EXT2: variants seen among roughly 807,000 people sequenced by gnomAD.
The protein encoded by EXT2 is exostosin-2.
EXT2 carries 53 observed loss-of-function variants against 81.6 expected under a neutral mutation model. The ratio of observed to expected loss-of-function variants is 0.65; its 90% CI spans 0.52 to 0.82. EXT2 has a LOEUF of 0.82. Among genes scored for constraint, EXT2 ranks in the 40% least tolerant of loss-of-function variants. The pLI, the probability that EXT2 is intolerant of heterozygous loss-of-function variation, is 0.00. For missense variants in EXT2, 774 were observed against 910.2 expected, an observed-to-expected ratio of 0.85 and a Z score of 1.93; for synonymous variants, 320 against 340.0, an observed-to-expected ratio of 0.94 and a Z score of 0.65.
intron 4 of EXT2, among the ~76,000 whole-genome samples, chr11:44,117,962 C>T (rs1185901669): frequency 6.6e-6 from 1 of 152,126 alleles, no homozygotes; most frequent in African/African-American, 2.4e-5. Flanking sequence ...TGATACTGCC[C>T]AGGCTGTGTT....
At chr11:44,214,352 G>A (rs1955691000) in intron 10 of EXT2, among the ~76,000 whole-genome samples, 1 of 152,046 alleles carries the variant, frequency 6.6e-6, no homozygotes, top group Admixed American at 6.5e-5. Flanking sequence ...CTGACCTCGT[G>A]ATCCGCCCGC....
At chr11:44,214,123 T>C (rs1421062901) in intron 10 of EXT2, among the ~76,000 whole-genome samples, 1 of 151,742 alleles carries the variant, frequency 6.6e-6, no homozygotes, top group Non-Finnish European at 1.5e-5. Context: ...TTCTTCTTCT[T>C]CTTTTTTTTT....
chr11:44,248,973 T>TG lies in EXT2; in HGVS notation c.*4686_*4687insG, dbSNP rs1484922293. 6.7e-6 allele frequency among the ~76,000 whole-genome samples: 1 copy of TG among 149,418 alleles called. No homozygotes were observed. The highest frequency in any genetic ancestry group is 2.6e-5 in the African/African-American group (1 of 39,140). ...ACCATTTCAGGGTAGAGTTTTTTTG[T>TG]TTGTTTGTTTGTTTGTTTTTGTTTT... On this transcript the variant is annotated 3_prime_UTR_variant, in exon 14 of 14. Transcript: ENST00000533608.
intron 4 of EXT2, among the ~76,000 whole-genome samples, chr11:44,120,917 A>G (rs1954306747): frequency 6.6e-6 from 1 of 152,230 alleles, no homozygotes; most frequent in South Asian, 2.1e-4. Context: ...CACTGCTGGG[A>G]GGAGACATGA....
intron 8 of EXT2, among the ~76,000 whole-genome samples, chr11:44,189,697 T>C (rs1013515902): frequency 2.0e-5 from 3 of 152,146 alleles, no homozygotes; most frequent in African/African-American, 4.8e-5. Context: ...TCCTCCAACA[T>C]TGGGGATTAC....
chr11:44,204,689 G>T (rs1955561428), intron 9 of EXT2, among the ~76,000 whole-genome samples: 1 of 152,194 alleles, frequency 6.6e-6, no homozygotes, highest in Non-Finnish European at 1.5e-5. Flanking sequence ...GAAGCCTGTT[G>T]TGAACTACTC....
intron 13 of EXT2, among the ~76,000 whole-genome samples, chr11:44,236,755 A>G (rs1011473123): frequency 5.9e-5 from 9 of 152,236 alleles, no homozygotes; most frequent in African/African-American, 1.9e-4. Context: ...ATTAGAAAGA[A>G]TTAAACCAAA....
At chr11:44,204,279 AG>A (rs1955555534) in intron 9 of EXT2, among the ~76,000 whole-genome samples, 1 of 152,194 alleles carries the variant, frequency 6.6e-6, no homozygotes. Flanking sequence ...ACAGGTCATG[AG>A]TGACATCATT....
chr11:44,147,775 CTTT>C (rs66961451), intron 7 of EXT2, among the ~76,000 whole-genome samples: 9 of 103,372 alleles, frequency 8.7e-5, no homozygotes, highest in African/African-American at 3.7e-4. Flanking sequence ...TCCACATTGT[CTTT>C]TTTTTTTTTT....
intron 1 of EXT2, 67 bp downstream of exon 1, chr11:44,095,919 C>G (rs1298250232): frequency 3.8e-5 from 11 of 286,718 alleles, no homozygotes. Flanking sequence ...CTCCGGGGGC[C>G]GCTGCTGGGT....
At chr11:44,218,793 CTTTTTTT>C (rs11368525) in intron 10 of EXT2, among the ~76,000 whole-genome samples, 2 of 92,300 alleles carry the variant, frequency 2.2e-5, no homozygotes, top group South Asian at 8.8e-4. Context: ...ATCTGCAATT[CTTTTTTT>C]TTTTTTTTTT....
chr11:44,137,470 G>A (rs1466230924), intron 7 of EXT2, among the ~76,000 whole-genome samples: 9 of 152,086 alleles, frequency 5.9e-5, no homozygotes. Flanking sequence ...TGTGATGCCA[G>A]TTTTAATTGG....
At chr11:44,146,768 A>G (rs1565211690) in intron 7 of EXT2, among the ~76,000 whole-genome samples, 1 of 152,194 alleles carries the variant, frequency 6.6e-6, no homozygotes, top group African/African-American at 2.4e-5. Context: ...CTTGGAGAAG[A>G]CTTTTTTCTT....
At chr11:44,197,761 T>G in intron 8 of EXT2, 68 bp from the exon 9 acceptor site, 1 of 1,556,504 alleles carries the variant, frequency 6.4e-7, no homozygotes, top group South Asian at 1.1e-5. Flanking sequence ...TTGGGTTTGC[T>G]GACGATATTG....
At chr11:44,170,055 C>A (rs571242551) in intron 7 of EXT2, among the ~76,000 whole-genome samples, 1 of 152,152 alleles carries the variant, frequency 6.6e-6, no homozygotes, top group Non-Finnish European at 1.5e-5. Context: ...GCAGAATATA[C>A]ATTTTTTAAG....
chr11:44,234,887 T>C (rs1429994030), intron 12 of EXT2, among the ~76,000 whole-genome samples: 2 of 152,220 alleles, frequency 1.3e-5, no homozygotes, highest in African/African-American at 4.8e-5. Context: ...TCTTGGTCTT[T>C]TTTGCTTCTA....
At chr11:44,107,662 A>C in intron 1 of EXT2, 21 bp from the exon 2 acceptor site, 1 of 1,590,058 alleles carries the variant, frequency 6.3e-7, no homozygotes. Flanking sequence ...GGTTTTTCTT[A>C]TTTCTCTCCC....
intron 7 of EXT2, among the ~76,000 whole-genome samples, chr11:44,163,560 A>G (rs1046049155): frequency 6.6e-6 from 1 of 152,260 alleles, no homozygotes; most frequent in Non-Finnish European, 1.5e-5. Flanking sequence ...AGCCTTTGGC[A>G]TATGTATTTG....
At chr11:44,215,767 A>G (rs1398023829) in intron 10 of EXT2, among the ~76,000 whole-genome samples, 1 of 152,198 alleles carries the variant, frequency 6.6e-6, no homozygotes, top group African/African-American at 2.4e-5. Context: ...AGTATTTACT[A>G]TATGAGAATC....
Sources: gnomAD v4.1 joint callset for allele counts (sites outside exome capture counted in the v4.1 genomes callset) on GRCh38, gnomAD v4.1.1 for gene constraint, MANE v1.5 for transcripts, NCBI Gene and HGNC (gene_info 2026-07-23, HGNC 2026-07-21) for gene names.